The following ATP2B2 variants were observed in gnomAD, a reference collection of about 807,000 sequenced individuals.
The protein encoded by ATP2B2 is plasma membrane calcium-transporting ATPase 2.
A neutral mutation model predicts 120.0 loss-of-function variants in ATP2B2; 15 were observed. That is an observed-to-expected ratio of 0.12 (90% CI 0.08 to 0.19). ATP2B2 has a LOEUF of 0.19. Ranked by LOEUF, ATP2B2 falls within the 10% of genes least tolerant of loss-of-function variation. ATP2B2 has a pLI of 1.00. For synonymous variants in ATP2B2, 694 were observed against 700.3 expected (o/e 0.99, Z 0.14); for missense variants, 1,045 against 1,719.8 (o/e 0.61, Z 6.94).
intron 19 of ATP2B2, among the ~76,000 whole-genome samples, chr3:10,341,769 C>T (rs527778971): frequency 2.6e-5 from 4 of 152,330 alleles, no homozygotes; most frequent in African/African-American, 7.2e-5. Context: ...CTCTCCAACC[C>T]CTCCACCTCC....
intron 2 of ATP2B2, among the ~76,000 whole-genome samples, chr3:10,413,874 G>C (rs573785643): frequency 1.1e-3 from 166 of 152,334 alleles, no homozygotes; most frequent in South Asian, 3.5e-3. Context: ...GTTTTGACAA[G>C]GGAGAAGGGA....
rs147218872 is a variant in ATP2B2 at position 10,622,851 on chromosome 3, A to G, written c.-459-2890T>C. Among the ~76,000 whole-genome samples the G allele has an allele frequency of 8.0e-3, 1,211 of 152,322 alleles. 19 individuals are homozygous for G. The highest frequency in any genetic ancestry group is 0.028 in the African/African-American group (1,150 of 41,574). On this transcript the variant is annotated intron_variant, in intron 1 of 21. Transcript: ENST00000646379. Reference sequence around the variant, plus strand: ...GGCCTAATTTCACAGGTCGGTCAGCAAAGGGAAACCATTGCCTGGGCTTGA... The same window carrying G: ...GGCCTAATTTCACAGGTCGGTCAGCGAAGGGAAACCATTGCCTGGGCTTGA...
intron 2 of ATP2B2, among the ~76,000 whole-genome samples, chr3:10,580,229 T>C (rs931159139): frequency 6.6e-6 from 1 of 152,114 alleles, no homozygotes; most frequent in East Asian, 1.9e-4. Flanking sequence ...TCTTAATATA[T>C]CAATAGGAAA....
chr3:10,532,162 G>T (rs1251833225), intron 3 of ATP2B2, among the ~76,000 whole-genome samples: 1 of 152,062 alleles, frequency 6.6e-6, no homozygotes, highest in Non-Finnish European at 1.5e-5. Context: ...TCCTCACAGG[G>T]GCCCTCTGCT....
At chr3:10,420,687 C>G (rs2062947762) in intron 2 of ATP2B2, among the ~76,000 whole-genome samples, 2 of 152,268 alleles carry the variant, frequency 1.3e-5, no homozygotes, top group African/African-American at 2.4e-5. Flanking sequence ...TCACGTGCAG[C>G]CTGAGAATAA....
intron 1 of ATP2B2, among the ~76,000 whole-genome samples, chr3:10,456,525 G>C (rs2064266900): frequency 6.6e-6 from 1 of 152,220 alleles, no homozygotes; most frequent in South Asian, 2.1e-4. Context: ...TAAGGATTGA[G>C]ATAGAGCTAG....
intron 2 of ATP2B2, among the ~76,000 whole-genome samples, chr3:10,419,863 G>T (rs1395090197): frequency 6.6e-6 from 1 of 152,194 alleles, no homozygotes. Context: ...GACCCTATCT[G>T]GTGAAGCCAA....
intron 1 of ATP2B2, among the ~76,000 whole-genome samples, chr3:10,488,202 TATCC>T (rs879839657): frequency 2.8e-5 from 3 of 108,028 alleles, no homozygotes; most frequent in Non-Finnish European, 1.9e-5. Flanking sequence ...TCCACCCATC[TATCC>T]ATCCATCCAT....
At chr3:10,663,154 A>G (rs1559510171) in intron 1 of ATP2B2, among the ~76,000 whole-genome samples, 2 of 151,740 alleles carry the variant, frequency 1.3e-5, no homozygotes, top group Non-Finnish European at 2.9e-5. Context: ...TGACGAGTTA[A>G]CGGGTGCAGC....
chr3:10,523,410 T>C (rs923854480), intron 3 of ATP2B2, among the ~76,000 whole-genome samples: 1 of 152,250 alleles, frequency 6.6e-6, no homozygotes, highest in African/African-American at 2.4e-5. Context: ...TAGCATTTAC[T>C]TTGTGACTTC....
intron 1 of ATP2B2, among the ~76,000 whole-genome samples, chr3:10,492,945 C>T (rs1412652166): frequency 1.3e-5 from 2 of 152,206 alleles, no homozygotes; most frequent in African/African-American, 2.4e-5. Flanking sequence ...GCTCCCACTA[C>T]CTCCCTCGAG....
chr3:10,638,775 T>C (rs1159088588), intron 1 of ATP2B2, among the ~76,000 whole-genome samples: 1 of 152,192 alleles, frequency 6.6e-6, no homozygotes, highest in Non-Finnish European at 1.5e-5. Context: ...GAAAAAGATA[T>C]GCTATGCTAA....
At chr3:10,477,514 C>A (rs1025985090) in intron 1 of ATP2B2, among the ~76,000 whole-genome samples, 1 of 152,216 alleles carries the variant, frequency 6.6e-6, no homozygotes, top group Non-Finnish European at 1.5e-5. Context: ...TTCCTCTTCC[C>A]AAACTGAAGT....
chr3:10,694,365 C>A (rs546737796), intron 1 of ATP2B2, among the ~76,000 whole-genome samples: 1 of 152,236 alleles, frequency 6.6e-6, no homozygotes, highest in Non-Finnish European at 1.5e-5. Context: ...AGACTGTTCT[C>A]ATCTCAGTAA....
rs555295264 is a variant in ATP2B2, at chr3:10,515,230, A to G, written c.-320+18809T>C. 8.5e-5 allele frequency among the ~76,000 whole-genome samples: 13 copies of G among 152,308 alleles called. No individual in the cohort carries two copies. The South Asian group carries it at 2.7e-3, about 32-fold the overall frequency. On this transcript the variant is annotated intron_variant, in intron 3 of 21. Transcript: ENST00000646379. ...ATACATCTGTAAAGTGGGGCTAACA[A>G]TACCTGCAATTATGGGAGTGTTGGG...
At chr3:10,334,074 G>C (rs1353910138) in intron 22 of ATP2B2, among the ~76,000 whole-genome samples, 1 of 152,264 alleles carries the variant, frequency 6.6e-6, no homozygotes, top group Non-Finnish European at 1.5e-5. Flanking sequence ...AAGTGGCTGA[G>C]GTTTGAGCGG....
At chr3:10,688,316 G>C (rs2071573435) in intron 1 of ATP2B2, among the ~76,000 whole-genome samples, 1 of 152,186 alleles carries the variant, frequency 6.6e-6, no homozygotes, top group Admixed American at 6.5e-5. Flanking sequence ...GCCCAGCAGA[G>C]GGCCCCAGTG....
intron 2 of ATP2B2, among the ~76,000 whole-genome samples, chr3:10,582,499 C>T (rs757409829): frequency 3.3e-5 from 5 of 152,150 alleles, no homozygotes; most frequent in East Asian, 1.9e-4. Flanking sequence ...AATAAACTAT[C>T]GAGATCATTG....
chr3:10,631,548 A>C (rs1356685062), intron 1 of ATP2B2, among the ~76,000 whole-genome samples: 11 of 152,162 alleles, frequency 7.2e-5, no homozygotes, highest in Admixed American at 7.2e-4. Flanking sequence ...GTGGCATTCA[A>C]GCTACTTGAG....
Sources: allele counts gnomAD v4.1 joint callset (sites outside exome capture counted in the v4.1 genomes callset), GRCh38; gene constraint gnomAD v4.1.1; transcripts MANE v1.5; gene names NCBI Gene and HGNC (gene_info 2026-07-23, HGNC 2026-07-21).